The following MIER1 variants were observed in gnomAD, a reference collection of about 807,000 sequenced individuals.
MIER1 encodes MIER1 transcriptional regulator.
A neutral mutation model predicts 75.7 loss-of-function variants in MIER1; 40 were observed. That is an observed-to-expected ratio of 0.53 (90% CI 0.41 to 0.69). The LOEUF (loss-of-function observed/expected upper bound fraction) is 0.69. Ranked by LOEUF, MIER1 falls within the 30% of genes least tolerant of loss-of-function variation. The pLI, the probability that MIER1 is intolerant of heterozygous loss-of-function variation, is 0.00. For synonymous variants in MIER1, 213 were observed against 223.4 expected, an observed-to-expected ratio of 0.95 and a Z score of 0.42; for missense variants, 574 against 680.2, an observed-to-expected ratio of 0.84 and a Z score of 1.74.
rs190115741 is a variant in MIER1, at chr1:66,985,596, A to G, written c.*696A>G. On this transcript the variant is annotated 3_prime_UTR_variant, in exon 14 of 14. Transcript: ENST00000401041. Reference sequence around the variant, plus strand: ...AGCCTTTGAAAGATTTTTACAGTACATATGTCTTGACTGAGCTGTCCTTTC... The same window carrying G: ...AGCCTTTGAAAGATTTTTACAGTACGTATGTCTTGACTGAGCTGTCCTTTC... 5.4e-4 allele frequency: 536 copies of G among 985,288 alleles called. 1 individual carries two copies. Among genetic ancestry groups the G allele is most frequent in the African/African-American group, 3.8e-3 (215 of 57,320 alleles). The allele number at this position is 985,288 out of a possible 1,614,324, so 61.0% of individuals were successfully genotyped here.
chr1:66,939,258 A>C (rs1655616876), intron 2 of MIER1, among the ~76,000 whole-genome samples: 6 of 152,172 alleles, frequency 3.9e-5, no homozygotes. Flanking sequence ...TAACTGAACT[A>C]AGATAAAACA....
chr1:66,987,443 T>A lies in MIER1; in HGVS notation c.*2543T>A, dbSNP rs1338115257. 7 of 152,624 alleles carry A rather than the reference T, an allele frequency of 4.6e-5. No individual in the cohort carries two copies. Among genetic ancestry groups the A allele is most frequent in the Non-Finnish European group, 1.0e-4 (7 of 67,928 alleles). 9.5% of individuals were successfully genotyped at this position (152,624 alleles called of 1,614,324 possible). A position where few individuals can be genotyped will look rare whatever the true frequency, so the allele number is the denominator to read the frequency against. On this transcript the variant is annotated 3_prime_UTR_variant, in exon 14 of 14. Transcript: ENST00000401041. The stretch of plus-strand genomic sequence containing the variant: ...ATTTTCATTTGGAATGGGTATTTTC[T>A]GTTTCATGATGTATTTTCAAATAGA...
chr1:66,985,914 T>C lies in MIER1; in HGVS notation c.*1014T>C. On this transcript the variant is annotated 3_prime_UTR_variant, in exon 14 of 14. Coordinates refer to ENST00000401041, the MANE Select transcript of MIER1 (RefSeq NM_001077700.3). ...GCTTAGATTGCAGTTTGTTTTGCATTTGCTATAATTTTCAAAATTATTTTT... is the reference window on the plus strand; with the variant it reads ...GCTTAGATTGCAGTTTGTTTTGCATCTGCTATAATTTTCAAAATTATTTTT... 1 of 981,536 alleles carries C rather than the reference T, an allele frequency of 1.0e-6. No homozygotes were observed. Among genetic ancestry groups the C allele is most frequent in the Non-Finnish European group, 1.2e-6 (1 of 826,512 alleles). 60.8% of individuals were successfully genotyped at this position (981,536 alleles called of 1,614,324 possible).
intron 8 of MIER1, among the ~76,000 whole-genome samples, chr1:66,965,969 T>C (rs1480961209): frequency 6.6e-6 from 1 of 152,138 alleles, no homozygotes; most frequent in Non-Finnish European, 1.5e-5. Flanking sequence ...GTTCCATCCA[T>C]GTTATTGCAA....
intron 3 of MIER1, among the ~76,000 whole-genome samples, chr1:66,944,596 T>G (rs1458555734): frequency 6.6e-6 from 1 of 152,020 alleles, no homozygotes; most frequent in East Asian, 1.9e-4. Flanking sequence ...CTAGATTATT[T>G]TTAATGCCTT....
At chr1:66,926,744 C>G (rs915669124) in intron 2 of MIER1, among the ~76,000 whole-genome samples, 1 of 152,100 alleles carries the variant, frequency 6.6e-6, no homozygotes, top group African/African-American at 2.4e-5. Context: ...AAACTAATCT[C>G]AAAAGAGACT....
At chr1:66,952,184 C>T (rs1558056527) in intron 4 of MIER1, among the ~76,000 whole-genome samples, 1 of 152,180 alleles carries the variant, frequency 6.6e-6, no homozygotes, top group African/African-American at 2.4e-5. Flanking sequence ...TTTTTATACT[C>T]TTTTAACACT....
At chr1:66,976,523 A>G in intron 11 of MIER1, 72 bp from the exon 12 acceptor site, 1 of 1,447,162 alleles carries the variant, frequency 6.9e-7, no homozygotes, top group African/African-American at 1.4e-5. Context: ...TTATTTTCAA[A>G]CTTCAGATGT....
At chr1:66,968,309 A>G (rs1402939851) in intron 8 of MIER1, among the ~76,000 whole-genome samples, 1 of 152,174 alleles carries the variant, frequency 6.6e-6, no homozygotes, top group Non-Finnish European at 1.5e-5. Context: ...CATAAACCAA[A>G]TTCTTGAAAC....
Position 66,986,507 on chromosome 1 carries a change from G to C in MIER1, c.*1607G>C. ...TGGTCTTGTTTTTAATGGCTCAACTGTCTGATGTAATTGAGTGAAGGTTTG... is the reference window on the plus strand; with the variant it reads ...TGGTCTTGTTTTTAATGGCTCAACTCTCTGATGTAATTGAGTGAAGGTTTG... On this transcript the variant is annotated 3_prime_UTR_variant, in exon 14 of 14. Coordinates refer to ENST00000401041, the MANE Select transcript of MIER1 (RefSeq NM_001077700.3). The C allele has an allele frequency of 6.9e-7, 1 of 1,450,852 alleles. No individual in the cohort carries two copies. The highest frequency in any genetic ancestry group is 9.6e-7 in the Non-Finnish European group (1 of 1,040,988). 89.9% of individuals were successfully genotyped at this position (1,450,852 alleles called of 1,614,324 possible).
At chr1:66,974,584 A>G (rs1217647603) in intron 11 of MIER1, among the ~76,000 whole-genome samples, 3 of 152,142 alleles carry the variant, frequency 2.0e-5, no homozygotes, top group African/African-American at 7.2e-5. Flanking sequence ...ATTTTTTTAA[A>G]GGAGTTAAGA....
intron 8 of MIER1, among the ~76,000 whole-genome samples, chr1:66,967,060 G>T (rs1055822762): frequency 2.3e-4 from 35 of 152,216 alleles, no homozygotes; most frequent in African/African-American, 7.9e-4. Context: ...TGCTTGTGGG[G>T]TATTATTCAG....
intron 2 of MIER1, among the ~76,000 whole-genome samples, chr1:66,936,269 C>T (rs1033876876): frequency 6.6e-6 from 1 of 151,894 alleles, no homozygotes; most frequent in Admixed American, 6.6e-5. Flanking sequence ...GTTGCCCAGG[C>T]TGGAGTGCGG....
At chr1:66,926,045 C>T (rs894700020) in intron 1 of MIER1, 97 bp from the exon 2 acceptor site, 5 of 919,514 alleles carry the variant, frequency 5.4e-6, no homozygotes, top group South Asian at 4.3e-5. Context: ...GTCCTGATTC[C>T]CGACCATCTT....
chr1:66,940,017 C>A lies in MIER1; in HGVS notation c.169-11C>A. The A allele has an allele frequency of 6.2e-7, 1 of 1,601,540 alleles. No individual in the cohort carries two copies. The highest frequency in any genetic ancestry group is 8.6e-7 in the Non-Finnish European group (1 of 1,169,556). The stretch of plus-strand genomic sequence containing the variant: ...GAAATACTAATTTTTCCTCTTTTCT[C>A]CCCTTCTCAGCCATCTGTTGAATCT... On this transcript the variant is annotated splice_polypyrimidine_tract_variant and intron_variant, in intron 2 of 13. Transcript: ENST00000401041.
rs975535375 is a variant in MIER1 at position 66,947,862 on chromosome 1, G to C, written c.339+1567G>C. The C allele has an allele frequency of 2.6e-5, 24 of 906,236 alleles. No individual in the cohort carries two copies. The South Asian group carries it at 8.1e-4, about 31-fold the overall frequency. The allele number at this position is 906,236 out of a possible 1,614,324, so 56.1% of individuals were successfully genotyped here. ...GTTGTTAAATAGGCTAGTTTCTTCTGCTTCAAGGGTTTTCAGCTCATTCTC... is the reference window on the plus strand; with the variant it reads ...GTTGTTAAATAGGCTAGTTTCTTCTCCTTCAAGGGTTTTCAGCTCATTCTC... On this transcript the variant is annotated intron_variant, in intron 4 of 13. Transcript: ENST00000401041.
chr1:66,982,227 TTA>T (rs1666033463), intron 13 of MIER1, among the ~76,000 whole-genome samples: 1 of 152,228 alleles, frequency 6.6e-6, no homozygotes, highest in Non-Finnish European at 1.5e-5. Context: ...ATACAAGTAT[TTA>T]TGTTAACTCT....
rs74081537 is a variant in MIER1, at chr1:66,947,794, C to T, written c.339+1499C>T. Reference sequence around the variant, plus strand: ...ACCTGCATGATAATGGCCTCTTACCCATGTATCACACTACCTCTGTTATAG... The same window carrying T: ...ACCTGCATGATAATGGCCTCTTACCTATGTATCACACTACCTCTGTTATAG... On this transcript the variant is annotated intron_variant, in intron 4 of 13. Coordinates refer to ENST00000401041, the MANE Select transcript of MIER1 (RefSeq NM_001077700.3). The T allele has an allele frequency of 7.3e-4, 241 of 330,420 alleles. 1 individual carries two copies. Among genetic ancestry groups the T allele is most frequent in the Admixed American group, 6.8e-3 (105 of 15,484 alleles). 20.5% of individuals were successfully genotyped at this position (330,420 alleles called of 1,614,324 possible).
chr1:66,946,775 A>G (rs1287940370), intron 4 of MIER1: 3 of 985,316 alleles, frequency 3.0e-6, no homozygotes, highest in Non-Finnish European at 3.6e-6. Context: ...TTTCCTTGTT[A>G]CATCCATTTT....
Sources: gnomAD v4.1 joint callset for allele counts (sites outside exome capture counted in the v4.1 genomes callset) on GRCh38, gnomAD v4.1.1 for gene constraint, MANE v1.5 for transcripts, NCBI Gene and HGNC (gene_info 2026-07-23, HGNC 2026-07-21) for gene names.